Variants in FHIP1A observed in about 807,000 individuals in gnomAD.
The protein encoded by FHIP1A is FHF complex subunit HOOK interacting protein 1A, also known as FHF complex subunit HOOK-interacting protein 1A.
Under a neutral mutation model 88.6 loss-of-function variants are expected in FHIP1A, and 61 were observed. The observed-to-expected ratio is 0.69, with a 90% CI of 0.56 to 0.85. FHIP1A has a LOEUF of 0.85. Ranked by LOEUF, FHIP1A falls within the 40% of genes least tolerant of loss-of-function variation. FHIP1A has a pLI of 0.00. For missense variants in FHIP1A, 1,154 were observed against 1,273.5 expected (o/e 0.91, Z 1.43); for synonymous variants, 478 against 496.0 (o/e 0.96, Z 0.48).
rs887945687 is a variant in FHIP1A at position 151,650,593 on chromosome 4, G to A, written c.2551+1G>A. 1.4e-5 allele frequency: 22 copies of A among 1,543,180 alleles called. No homozygotes were observed. In the African/African-American group the frequency reaches 2.9e-4, roughly 20 times the overall value. On this transcript the variant is annotated splice_donor_variant, in intron 11 of 13. Transcript: ENST00000435205. LOFTEE classifies it high-confidence loss of function. Reference sequence around the variant, plus strand: ...AGGACTCAAAGCACCCCATTCACAGGTGACCATCTTAAATTGCTTTGTGGT... The same window carrying A: ...AGGACTCAAAGCACCCCATTCACAGATGACCATCTTAAATTGCTTTGTGGT...
intron 1 of FHIP1A, among the ~76,000 whole-genome samples, chr4:151,449,403 GAC>G (rs1728717804): frequency 6.6e-6 from 1 of 151,886 alleles, no homozygotes; most frequent in Non-Finnish European, 1.5e-5. Flanking sequence ...TTTTTTAATT[GAC>G]ACATTATAAT....
chr4:151,514,631 G>A (rs893095891), intron 3 of FHIP1A, among the ~76,000 whole-genome samples: 25 of 152,138 alleles, frequency 1.6e-4, no homozygotes, highest in African/African-American at 4.6e-4. Context: ...TATCACCACC[G>A]ATCCCACTGA....
intron 4 of FHIP1A, among the ~76,000 whole-genome samples, chr4:151,566,905 T>C (rs1733408479): frequency 6.6e-6 from 1 of 152,170 alleles, no homozygotes. Context: ...GTTATACAAC[T>C]AGTAAGTTAC....
At chr4:151,509,386 C>T (rs1376582052) in intron 3 of FHIP1A, among the ~76,000 whole-genome samples, 3 of 151,952 alleles carry the variant, frequency 2.0e-5, no homozygotes, top group African/African-American at 4.8e-5. Context: ...AGGATGGTCT[C>T]GATCTCCTGA....
chr4:151,526,929 G>C (rs1413444202), intron 3 of FHIP1A, among the ~76,000 whole-genome samples: 1 of 150,148 alleles, frequency 6.7e-6, no homozygotes, highest in Non-Finnish European at 1.5e-5. Flanking sequence ...GACAATGGGC[G>C]GCCGGGCAGA....
intron 5 of FHIP1A, among the ~76,000 whole-genome samples, chr4:151,581,416 A>G (rs1734021587): frequency 6.6e-6 from 1 of 152,144 alleles, no homozygotes; most frequent in Non-Finnish European, 1.5e-5. Flanking sequence ...ATTATGTTTT[A>G]TATATTTTTC....
At chr4:151,632,745 A>C (rs549359233) in intron 8 of FHIP1A, among the ~76,000 whole-genome samples, 1 of 152,230 alleles carries the variant, frequency 6.6e-6, no homozygotes, top group South Asian at 2.1e-4. Context: ...CAAAGAAGAA[A>C]TCACAAGGGA....
intron 1 of FHIP1A, among the ~76,000 whole-genome samples, chr4:151,422,224 AAT>A (rs140940462): frequency 5.3e-5 from 8 of 150,136 alleles, no homozygotes; most frequent in African/African-American, 1.9e-4. Flanking sequence ...ACATTAAAAA[AAT>A]ATATATATAT....
At chr4:151,426,109 G>A (rs900961905) in intron 1 of FHIP1A, among the ~76,000 whole-genome samples, 1 of 152,078 alleles carries the variant, frequency 6.6e-6, no homozygotes, top group African/African-American at 2.4e-5. Context: ...AACAAGCGGG[G>A]CGGAGAGAGG....
intron 1 of FHIP1A, among the ~76,000 whole-genome samples, chr4:151,412,554 T>TTTTC (rs1239719542): frequency 0.011 from 1,464 of 131,808 alleles, 18 homozygotes; most frequent in African/African-American, 0.02. Context: ...GGGCTTTTCT[T>TTTTC]TTTCTTTCTT....
chr4:151,523,838 C>T (rs1731534650), intron 3 of FHIP1A, among the ~76,000 whole-genome samples: 1 of 152,134 alleles, frequency 6.6e-6, no homozygotes, highest in Non-Finnish European at 1.5e-5. Flanking sequence ...ACAACCAACA[C>T]AAAAGTAAAT....
intron 1 of FHIP1A, among the ~76,000 whole-genome samples, chr4:151,427,485 A>G (rs1282946325): frequency 6.6e-6 from 1 of 152,162 alleles, no homozygotes; most frequent in Non-Finnish European, 1.5e-5. Context: ...GAGCTGTGGT[A>G]CAAATTGTTC....
chr4:151,586,752 C>A lies in FHIP1A; in HGVS notation c.844C>A (p.Leu282Ile), dbSNP rs1734232245. 1 of 1,551,218 alleles carries A rather than the reference C, an allele frequency of 6.4e-7. No homozygotes were observed. The highest frequency in any genetic ancestry group is 8.7e-7 in the Non-Finnish European group (1 of 1,146,718). The change falls in exon 6 of 14, where the codon CTT becomes ATT. Residue 282 changes from leucine to isoleucine, a missense_variant. Leu to Ile is a conservative substitution (Grantham distance 5). Transcript: ENST00000435205. ...AGATGACTGGCTTCTACTTCCTTCTCTTGTCCAGTTCATGAACTCCCTGGA... is the reference window on the plus strand; with the variant it reads ...AGATGACTGGCTTCTACTTCCTTCTATTGTCCAGTTCATGAACTCCCTGGA... ...LKDDWLLLPS[L>I]VQFMNSLEFC...
At chr4:151,622,170 A>G (rs1735770617) in intron 7 of FHIP1A, among the ~76,000 whole-genome samples, 1 of 152,202 alleles carries the variant, frequency 6.6e-6, no homozygotes, top group African/African-American at 2.4e-5. Context: ...GAGAAGGGGA[A>G]CTGACAGCCT....
rs993249295 is a variant in FHIP1A, at chr4:151,669,727, G to A, written c.*6973G>A. On this transcript the variant is annotated 3_prime_UTR_variant, in exon 14 of 14. Coordinates refer to ENST00000435205, the MANE Select transcript of FHIP1A (RefSeq NM_001109977.3). Reference sequence around the variant, plus strand: ...CAGGATGCGGGGCACCTGGCTTCCCGGGTAAGGTCACATAGTCTCTTAAAA... The same window carrying A: ...CAGGATGCGGGGCACCTGGCTTCCCAGGTAAGGTCACATAGTCTCTTAAAA... 11 of 152,228 alleles carry A rather than the reference G, an allele frequency of 7.2e-5. No homozygotes were observed. The highest frequency in any genetic ancestry group is 3.4e-3 in the Middle Eastern group (1 of 294). The allele number at this position is 152,228 out of a possible 1,614,324, so 9.4% of individuals were successfully genotyped here.
Position 151,650,235 on chromosome 4 carries a change from GCC to G in FHIP1A, c.2197_2198del (p.Pro733Ter), listed in dbSNP as rs1736972292. ...ATCCAACTCAGAGTTAGCATCCCCT[GCC>G]CCTGAGGCAGAGCACAGCTCTAACC... Reference protein sequence around the residue: ...PESNSELASPAPEAEHSSNLT... With the variant: ...PESNSELASPXPEAEHSSNLT... On this transcript the variant is annotated frameshift_variant, in exon 11 of 14. Coordinates refer to ENST00000435205, the MANE Select transcript of FHIP1A (RefSeq NM_001109977.3). LOFTEE classifies it high-confidence loss of function. The G allele has an allele frequency of 6.4e-7, 1 of 1,551,600 alleles. No homozygotes were observed. The highest frequency in any genetic ancestry group is 1.4e-5 in the African/African-American group (1 of 73,050).
chr4:151,575,088 A>C (rs564795032), intron 4 of FHIP1A, among the ~76,000 whole-genome samples: 2 of 152,128 alleles, frequency 1.3e-5, no homozygotes, highest in Non-Finnish European at 2.9e-5. Flanking sequence ...TTGCCACTCC[A>C]CCATCAATGT....
intron 3 of FHIP1A, among the ~76,000 whole-genome samples, chr4:151,536,304 C>T (rs566968617): frequency 6.6e-6 from 1 of 152,320 alleles, no homozygotes; most frequent in Admixed American, 6.5e-5. Context: ...TTTACTTGTG[C>T]TCTTTGTGTG....
chr4:151,513,492 GA>G (rs1285006826), intron 3 of FHIP1A, among the ~76,000 whole-genome samples: 3 of 152,112 alleles, frequency 2.0e-5, no homozygotes, highest in African/African-American at 7.2e-5. Flanking sequence ...GCTCCAATTA[GA>G]AGACACAGAC....
Sources: gnomAD v4.1 joint callset for allele counts (sites outside exome capture counted in the v4.1 genomes callset) on GRCh38, gnomAD v4.1.1 for gene constraint, MANE v1.5 for transcripts, NCBI Gene and HGNC (gene_info 2026-07-23, HGNC 2026-07-21) for gene names.